REN: variants seen among roughly 807,000 people sequenced by gnomAD.
REN encodes renin.
REN carries 42 observed loss-of-function variants against 48.6 expected under a neutral mutation model. That is an observed-to-expected ratio of 0.86 (90% CI 0.68 to 1.12). The LOEUF (loss-of-function observed/expected upper bound fraction) is 1.12. Ranked by LOEUF, REN falls within the 50% of genes most tolerant of loss-of-function variation. REN has a pLI of 0.00. For missense variants in REN, 443 were observed against 527.3 expected (o/e 0.84, Z 1.57); for synonymous variants, 196 against 204.6 (o/e 0.96, Z 0.36).
In REN at chr1:204,156,557, G is replaced by A; in HGVS notation, c.818+120C>T. 1 of 1,459,432 alleles carries A rather than the reference G, an allele frequency of 6.9e-7. No individual in the cohort carries two copies. Among genetic ancestry groups the A allele is most frequent in the African/African-American group, 1.4e-5 (1 of 71,900 alleles). 90.4% of individuals were successfully genotyped at this position (1,459,432 alleles called of 1,614,324 possible). ...CAGGCAGAGAGCAAATGGTGGCTGT[G>A]CTTAAGAAGTGGCTGCATTTGGAAA... On this transcript the variant is annotated intron_variant, in intron 7 of 9. Coordinates refer to ENST00000272190, the MANE Select transcript of REN (RefSeq NM_000537.4). The surrounding 1 kb of genome is among the most constrained non-coding windows in gnomAD (Gnocchi z 4.2).
intron 1 of REN, 62 bp downstream of exon 1, chr1:204,166,134 G>C (rs1284859612): frequency 7.3e-7 from 1 of 1,368,618 alleles, no homozygotes; most frequent in East Asian, 2.3e-5. Context: ...AAAAGCCAGG[G>C]TGTTGGGAAG....
In REN at chr1:204,156,627, C is replaced by A; in HGVS notation, c.818+50G>T. The A allele has an allele frequency of 6.2e-7, 1 of 1,612,400 alleles. No individual in the cohort carries two copies. Among genetic ancestry groups the A allele is most frequent in the Non-Finnish European group, 8.5e-7 (1 of 1,178,748 alleles). ...AGTCCTTCCCCACCCTCCCCAACCCCAGTGACGGCAGCATTTTTTGGAGCC... is the reference window on the plus strand; with the variant it reads ...AGTCCTTCCCCACCCTCCCCAACCCAAGTGACGGCAGCATTTTTTGGAGCC... On this transcript the variant is annotated intron_variant, in intron 7 of 9. Transcript: ENST00000272190. This position sits in a 1 kb window ranked among gnomAD's most constrained non-coding sequence, Gnocchi z 4.2.
chr1:204,164,760 G>A (rs954169689), intron 1 of REN, among the ~76,000 whole-genome samples: 2 of 151,400 alleles, frequency 1.3e-5, no homozygotes, highest in African/African-American at 4.9e-5. Context: ...TACAGACAAG[G>A]TTTCACCATG....
chr1:204,161,215 C>A, intron 3 of REN, 77 bp downstream of exon 3: 1 of 1,468,382 alleles, frequency 6.8e-7, no homozygotes, highest in East Asian at 2.4e-5. Flanking sequence ...GGGATGGGAG[C>A]TGGGTGTTGG....
intron 5 of REN, 72 bp from the exon 6 acceptor site, chr1:204,157,441 G>C: frequency 2.5e-6 from 4 of 1,605,998 alleles, no homozygotes; most frequent in Non-Finnish European, 3.4e-6. Context: ...CTGTTTGGCA[G>C]GGTGGGTGTT....
Position 204,156,160 on chromosome 1 carries a change from C to T in REN, c.960+18G>A. 6.2e-7 allele frequency: 1 copy of T among 1,614,192 alleles called. No homozygotes were observed. The highest frequency in any genetic ancestry group is 8.5e-7 in the Non-Finnish European group (1 of 1,180,038). ...GCGCTCCCCCCACCCACAGCACCTT[C>T]CCTCTTTGGCTTCTTACATCAAACA... On this transcript the variant is annotated intron_variant, in intron 8 of 9. Coordinates refer to ENST00000272190, the MANE Select transcript of REN (RefSeq NM_000537.4). The surrounding 1 kb of genome is among the most constrained non-coding windows in gnomAD (Gnocchi z 4.2).
Position 204,156,614 on chromosome 1 carries a change from CCCT to C in REN, c.818+60_818+62del. The stretch of plus-strand genomic sequence containing the variant: ...AGGATGGTAATGCAGTCCTTCCCCA[CCCT>C]CCCCAACCCCAGTGACGGCAGCATT... On this transcript the variant is annotated intron_variant, in intron 7 of 9. Transcript: ENST00000272190. This position sits in a 1 kb window ranked among gnomAD's most constrained non-coding sequence, Gnocchi z 4.2. 1.3e-6 allele frequency: 2 copies of C among 1,563,184 alleles called. No individual in the cohort carries two copies. Among genetic ancestry groups the C allele is most frequent in the Non-Finnish European group, 1.8e-6 (2 of 1,135,354 alleles).
chr1:204,154,887 G>T lies in REN; in HGVS notation c.*129C>A, dbSNP rs773343304. 31 of 1,045,818 alleles carry T rather than the reference G, an allele frequency of 3.0e-5. No homozygotes were observed. The South Asian group carries it at 3.3e-4, about 11-fold the overall frequency. 64.8% of individuals were successfully genotyped at this position (1,045,818 alleles called of 1,614,324 possible). On this transcript the variant is annotated 3_prime_UTR_variant, in exon 10 of 10. Transcript: ENST00000272190. ...AGGGCTGGTGCAGGGGTCAGGGCAC[G>T]CATCCAGCAGGAGCTCCACATCCAA...
chr1:204,157,907 T>G (rs1232028489), intron 5 of REN, among the ~76,000 whole-genome samples: 1 of 152,206 alleles, frequency 6.6e-6, no homozygotes, highest in Non-Finnish European at 1.5e-5. Flanking sequence ...CTGCAAAACC[T>G]GGCTTCTTCC....
At chr1:204,159,865 A>G (rs1658212490) in intron 4 of REN, among the ~76,000 whole-genome samples, 1 of 152,066 alleles carries the variant, frequency 6.6e-6, no homozygotes, top group African/African-American at 2.4e-5. Flanking sequence ...AGCTGCCAAG[A>G]GCTCCTCCCC....
Position 204,156,554 on chromosome 1 carries a change from T to A in REN, c.818+123A>T. The A allele has an allele frequency of 6.9e-7, 1 of 1,443,208 alleles. No individual in the cohort carries two copies. The highest frequency in any genetic ancestry group is 9.7e-7 in the Non-Finnish European group (1 of 1,031,720). The allele number at this position is 1,443,208 out of a possible 1,614,324, so 89.4% of individuals were successfully genotyped here. On this transcript the variant is annotated intron_variant, in intron 7 of 9. Transcript: ENST00000272190. The surrounding 1 kb of genome is among the most constrained non-coding windows in gnomAD (Gnocchi z 4.2). Reference sequence around the variant, plus strand: ...GAGCAGGCAGAGAGCAAATGGTGGCTGTGCTTAAGAAGTGGCTGCATTTGG... The same window carrying A: ...GAGCAGGCAGAGAGCAAATGGTGGCAGTGCTTAAGAAGTGGCTGCATTTGG...
Position 204,160,704 on chromosome 1 carries a change from T to G in REN, c.374-26A>C. On this transcript the variant is annotated intron_variant, in intron 3 of 9. Transcript: ENST00000272190. ...CTGGCAGGGGGACAGAGGCTCAGGT[T>G]TGTCCAAGAGTGGCCCAGACAGGGG... 2.5e-6 allele frequency: 4 copies of G among 1,569,044 alleles called. No individual in the cohort carries two copies. The South Asian group carries it at 4.4e-5, about 17-fold the overall frequency.
In REN at chr1:204,160,488, G is replaced by T; in HGVS notation, c.492+72C>A. The T allele has an allele frequency of 5.0e-6, 5 of 997,596 alleles. 1 individual carries two copies. In the South Asian group the frequency reaches 6.4e-5, roughly 13 times the overall value. 61.8% of individuals were successfully genotyped at this position (997,596 alleles called of 1,614,324 possible). A position where few individuals can be genotyped will look rare whatever the true frequency, so the allele number is the denominator to read the frequency against. On this transcript the variant is annotated intron_variant, in intron 4 of 9. Coordinates refer to ENST00000272190, the MANE Select transcript of REN (RefSeq NM_000537.4). ...GCAGTGTACCTCCCCGCAGGTGTGG[G>T]CCCTGGAGGGTCAGGAGAGGCCTGG...
intron 9 of REN, 96 bp downstream of exon 9, chr1:204,155,724 A>T: frequency 1.0e-6 from 1 of 985,002 alleles, no homozygotes; most frequent in Non-Finnish European, 1.6e-6. Context: ...TGAGAACTAC[A>T]GTTCTAACAT....
intron 1 of REN, among the ~76,000 whole-genome samples, chr1:204,163,869 C>T (rs546606556): frequency 6.6e-6 from 1 of 152,330 alleles, no homozygotes; most frequent in South Asian, 2.1e-4. Flanking sequence ...CCATTAACCC[C>T]TCTCTAACAA....
intron 1 of REN, among the ~76,000 whole-genome samples, chr1:204,164,576 T>C (rs1658311069): frequency 6.9e-6 from 1 of 145,834 alleles, no homozygotes; most frequent in African/African-American, 2.5e-5. Context: ...TTTTTTTTTT[T>C]TTTTTTTTTT....
intron 9 of REN, 97 bp from the exon 10 acceptor site, chr1:204,155,274 C>G (rs1658128662): frequency 6.4e-6 from 9 of 1,414,094 alleles, no homozygotes; most frequent in Non-Finnish European, 8.9e-6. Context: ...AACATTCCCC[C>G]TCTCGCCCCC....
rs1185077974 is a variant in REN, at chr1:204,155,778, A to G, written c.1059+42T>C. On this transcript the variant is annotated intron_variant, in intron 9 of 9. Transcript: ENST00000272190. Reference sequence around the variant, plus strand: ...TGTCACTCTTTGAGGGTCTCTGTCCAGCCTTTCTCCCTGCCACCGAGGGGG... The same window carrying G: ...TGTCACTCTTTGAGGGTCTCTGTCCGGCCTTTCTCCCTGCCACCGAGGGGG... 5 of 1,425,018 alleles carry G rather than the reference A, an allele frequency of 3.5e-6. No homozygotes were observed. The Admixed American group carries it at 7.1e-5, about 20-fold the overall frequency. The allele number at this position is 1,425,018 out of a possible 1,614,324, so 88.3% of individuals were successfully genotyped here.
intron 5 of REN, among the ~76,000 whole-genome samples, chr1:204,158,099 A>ACCCCCCCCCCCCCC: frequency 7.0e-6 from 1 of 142,970 alleles, no homozygotes; most frequent in South Asian, 2.2e-4. Context: ...TCTGGATCTC[A>ACCCCCCCCCCCCCC]CCCCCCACGC....
Sources: gnomAD v4.1 joint callset for allele counts (sites outside exome capture counted in the v4.1 genomes callset) on GRCh38, gnomAD v4.1.1 for gene constraint, Gnocchi (gnomAD v3.1) non-coding constraint, MANE v1.5 for transcripts, NCBI Gene and HGNC (gene_info 2026-07-23, HGNC 2026-07-21) for gene names.